Variants in REDIC1 observed in about 807,000 individuals in gnomAD.
The protein encoded by REDIC1 is HEI10 Interacting Protein 1.
the REDIC1 span, chr12:39,864,767 T>C: frequency 6.2e-7 from 1 of 1,613,936 alleles, no homozygotes; most frequent in Non-Finnish European, 8.5e-7. Context: ...CTCACCTGTA[T>C]CTTGTGCAAG....
the REDIC1 span, among the ~76,000 whole-genome samples, chr12:39,838,570 A>G: frequency 6.6e-6 from 1 of 151,910 alleles, no homozygotes; most frequent in South Asian, 2.1e-4. Context: ...GTAAGTATTC[A>G]TATATTTAGA....
chr12:39,698,536 G>T, the REDIC1 span, among the ~76,000 whole-genome samples: 2 of 152,166 alleles, frequency 1.3e-5, no homozygotes, highest in Non-Finnish European at 2.9e-5. Flanking sequence ...AGTAGCTACA[G>T]AATAGACATT....
the REDIC1 span, among the ~76,000 whole-genome samples, chr12:39,681,851 T>C: frequency 6.6e-6 from 1 of 152,160 alleles, no homozygotes; most frequent in African/African-American, 2.4e-5. Flanking sequence ...TCTGTGGTTT[T>C]TTTTCCTAAT....
At chr12:39,755,557 CTCT>C in the REDIC1 span, 4 of 152,018 alleles carry the variant, frequency 2.6e-5, no homozygotes, top group African/African-American at 9.7e-5. Flanking sequence ...CTAGAGTTGT[CTCT>C]TCTTTTTTAA....
At chr12:39,869,613 T>A in the REDIC1 span, among the ~76,000 whole-genome samples, 1 of 152,168 alleles carries the variant, frequency 6.6e-6, no homozygotes, top group African/African-American at 2.4e-5. Flanking sequence ...AGGTTGCTCA[T>A]GAGAAGCAGA....
chr12:39,663,989 G>C, the REDIC1 span, among the ~76,000 whole-genome samples: 1 of 151,682 alleles, frequency 6.6e-6, no homozygotes, highest in East Asian at 1.9e-4. Flanking sequence ...TGGCCTATAA[G>C]ATTTCTGTTA....
the REDIC1 span, among the ~76,000 whole-genome samples, chr12:39,821,140 G>T: frequency 6.6e-6 from 1 of 151,740 alleles, no homozygotes; most frequent in Non-Finnish European, 1.5e-5. Flanking sequence ...AAAATTTTTC[G>T]CAGTGGCTCA....
the REDIC1 span, among the ~76,000 whole-genome samples, chr12:39,686,671 T>C: frequency 2.0e-5 from 3 of 152,378 alleles, no homozygotes; most frequent in Non-Finnish European, 2.9e-5. Flanking sequence ...TTTTTACTTA[T>C]GCAAATTTCT....
chr12:39,712,685 AT>A, the REDIC1 span, among the ~76,000 whole-genome samples: 1 of 65,118 alleles, frequency 1.5e-5, no homozygotes, highest in African/African-American at 6.2e-5. Context: ...ATATATGTAT[AT>A]ATACGTATAC....
chr12:39,708,221 T>G, the REDIC1 span, among the ~76,000 whole-genome samples: 1 of 151,784 alleles, frequency 6.6e-6, no homozygotes. Flanking sequence ...CACTCCAGTT[T>G]TCATGTGATT....
At chr12:39,893,882 T>A in the REDIC1 span, among the ~76,000 whole-genome samples, 2 of 152,214 alleles carry the variant, frequency 1.3e-5, no homozygotes, top group Non-Finnish European at 2.9e-5. Context: ...ACAATCCATA[T>A]GAAATTGAAA....
the REDIC1 span, among the ~76,000 whole-genome samples, chr12:39,655,912 C>T: frequency 6.6e-6 from 1 of 152,100 alleles, no homozygotes; most frequent in Non-Finnish European, 1.5e-5. Context: ...TTTAACATTG[C>T]ATTTTGGGGG....
At chr12:39,795,715 T>A in the REDIC1 span, among the ~76,000 whole-genome samples, 1 of 152,106 alleles carries the variant, frequency 6.6e-6, no homozygotes, top group Admixed American at 6.6e-5. Flanking sequence ...TTACTAGAAG[T>A]TTTATGGGCA....
chr12:39,704,942 G>C, the REDIC1 span, among the ~76,000 whole-genome samples: 2 of 152,052 alleles, frequency 1.3e-5, no homozygotes, highest in Non-Finnish European at 2.9e-5. Flanking sequence ...GGAGGGAGGA[G>C]GGATGGCATT....
chr12:39,729,386 T>G, the REDIC1 span, among the ~76,000 whole-genome samples: 1 of 152,064 alleles, frequency 6.6e-6, no homozygotes, highest in Non-Finnish European at 1.5e-5. Context: ...TTCAATGTAC[T>G]TATTTATTTC....
At chr12:39,845,406 T>C in the REDIC1 span, among the ~76,000 whole-genome samples, 2 of 152,126 alleles carry the variant, frequency 1.3e-5, no homozygotes, top group Non-Finnish European at 2.9e-5. Flanking sequence ...ACACTTGGCA[T>C]TAGGCTTATC....
chr12:39,876,756 C>G, the REDIC1 span, among the ~76,000 whole-genome samples: 1 of 152,004 alleles, frequency 6.6e-6, no homozygotes, highest in Non-Finnish European at 1.5e-5. Flanking sequence ...TTTTTTCTGG[C>G]ATGGGACTAT....
chr12:39,675,524 C>A, the REDIC1 span, among the ~76,000 whole-genome samples: 1 of 152,184 alleles, frequency 6.6e-6, no homozygotes, highest in East Asian at 1.9e-4. Context: ...ATTATAGCAA[C>A]TCAGAACAAG....
At chr12:39,721,378 AG>A in the REDIC1 span, 50 of 751,886 alleles carry the variant, frequency 6.6e-5, no homozygotes, top group Non-Finnish European at 1.1e-4. Flanking sequence ...GACAGTGTTC[AG>A]GGTGTATATT....
Sources: gnomAD v4.1 joint callset for allele counts (sites outside exome capture counted in the v4.1 genomes callset) on GRCh38, gnomAD v4.1.1 for gene constraint, MANE v1.5 for transcripts, NCBI Gene and HGNC (gene_info 2026-07-23, HGNC 2026-07-21) for gene names.